Variants in TPD52L2 observed in about 807,000 individuals in gnomAD.
TPD52L2 encodes the protein TPD52 like 2.
A neutral mutation model predicts 24.7 loss-of-function variants in TPD52L2; 19 were observed. That is an observed-to-expected ratio of 0.77 (90% confidence interval 0.54 to 1.13). TPD52L2 has a LOEUF of 1.13. TPD52L2 is among the 50% of genes most tolerant of loss of function. The probability of loss-of-function intolerance (pLI) is 0.00; values close to 1 mark genes in which losing one functional copy is unlikely to be tolerated. For missense variants in TPD52L2, 236 were observed against 250.4 expected, an observed-to-expected ratio of 0.94 and a Z score of 0.39; for synonymous variants, 104 against 100.2, an observed-to-expected ratio of 1.04 and a Z score of -0.23.
intron 6 of TPD52L2, among the ~76,000 whole-genome samples, chr20:63,889,466 C>T (rs2053254069): frequency 1.3e-5 from 2 of 151,870 alleles, no homozygotes; most frequent in African/African-American, 4.8e-5. Context: ...CACAGAACGC[C>T]TCCACACTGC....
At chr20:63,867,618 A>G (rs2146171294) in intron 1 of TPD52L2, among the ~76,000 whole-genome samples, 1 of 152,162 alleles carries the variant, frequency 6.6e-6, no homozygotes, top group East Asian at 1.9e-4. Context: ...TTCGTTTAGT[A>G]AGCGTTTGTG....
intron 1 of TPD52L2, among the ~76,000 whole-genome samples, chr20:63,868,727 C>T (rs1052973858): frequency 1.3e-5 from 2 of 152,160 alleles, no homozygotes; most frequent in Non-Finnish European, 2.9e-5. Flanking sequence ...GCGGATCACC[C>T]GAGGTCGGGA....
rs2052712005 is a variant in TPD52L2, at chr20:63,877,024, G to T, written c.374+1149G>T. On this transcript the variant is annotated intron_variant, in intron 4 of 6. Coordinates refer to ENST00000346249, the MANE Select transcript of TPD52L2 (RefSeq NM_003288.4). This position sits in a 1 kb window ranked among gnomAD's most constrained non-coding sequence, Gnocchi z 4.1. The stretch of plus-strand genomic sequence containing the variant: ...TGGCATGTTGCCCTGGGTTTTTTTT[G>T]TTTGTTTGGTTTTTTTTTTGAGACA... 4.5e-6 allele frequency: 2 copies of T among 441,810 alleles called. No individual in the cohort carries two copies. The highest frequency in any genetic ancestry group is 3.2e-5 in the South Asian group (2 of 61,932). The allele number at this position is 441,810 out of a possible 1,614,324, so 27.4% of individuals were successfully genotyped here. A position where few individuals can be genotyped will look rare whatever the true frequency, so the allele number is the denominator to read the frequency against.
At chr20:63,868,486 G>T (rs1330396172) in intron 1 of TPD52L2, among the ~76,000 whole-genome samples, 1 of 152,232 alleles carries the variant, frequency 6.6e-6, no homozygotes, top group Admixed American at 6.5e-5. Context: ...GATGAGAATC[G>T]GGAGGTAAGT....
chr20:63,889,906 G>A lies in TPD52L2; in HGVS notation c.582G>A (p.Gly194=). The change falls in exon 7 of 7, where the codon GGG becomes GGA. Residue 194 remains glycine, a synonymous_variant. Coordinates refer to ENST00000346249, the MANE Select transcript of TPD52L2 (RefSeq NM_003288.4). ...NGSDNLPSSA[G]SGDKPLSDPA... is the part of the protein sequence containing the mutation. ...GTGACAACCTCCCTTCCTCAGCGGG[G>A]AGTGGTGACAAGCCCCTGTCGGATC... 1 of 1,614,212 alleles carries A rather than the reference G, an allele frequency of 6.2e-7. No homozygotes were observed. Among genetic ancestry groups the A allele is most frequent in the Non-Finnish European group, 8.5e-7 (1 of 1,180,040 alleles).
chr20:63,889,168 A>C, intron 5 of TPD52L2, 22 bp from the exon 6 acceptor site: 2 of 1,610,448 alleles, frequency 1.2e-6, no homozygotes, highest in Admixed American at 1.7e-5. Context: ...TGACACCGAC[A>C]CTCTTCCCTC....
intron 5 of TPD52L2, chr20:63,886,922 C>T (rs2053149187): frequency 1.3e-5 from 2 of 158,556 alleles, no homozygotes; most frequent in South Asian, 1.8e-4. Flanking sequence ...GGATTACAGG[C>T]GTGAGCCACT....
chr20:63,874,228 TTGTGTGTGTG>T (rs547406712), intron 3 of TPD52L2, among the ~76,000 whole-genome samples: 10 of 140,012 alleles, frequency 7.1e-5, no homozygotes, highest in East Asian at 4.3e-4. Flanking sequence ...ATTTTTTTTT[TTGTGTGTGTG>T]TGTGTGTGTG....
intron 1 of TPD52L2, 29 bp downstream of exon 1, chr20:63,865,413 C>A: frequency 6.5e-7 from 1 of 1,526,788 alleles, no homozygotes; most frequent in East Asian, 2.5e-5. Flanking sequence ...CCCTTCGCCG[C>A]AGATGGGCCC....
intron 5 of TPD52L2, chr20:63,887,317 C>T (rs2053167276): frequency 1.1e-5 from 7 of 619,266 alleles, no homozygotes; most frequent in South Asian, 1.8e-5. Flanking sequence ...TCACAGCTTC[C>T]TATGGCAGTG....
intron 1 of TPD52L2, among the ~76,000 whole-genome samples, chr20:63,867,621 C>T (rs962284710): frequency 6.6e-6 from 1 of 151,616 alleles, no homozygotes; most frequent in African/African-American, 2.4e-5. Context: ...GTTTAGTAAG[C>T]GTTTGTGGAG....
chr20:63,870,533 T>TG (rs1221290495), intron 2 of TPD52L2, among the ~76,000 whole-genome samples: 1 of 139,706 alleles, frequency 7.2e-6, no homozygotes, highest in South Asian at 2.4e-4. Context: ...TTTTTTTTTT[T>TG]TTTTTTTTTT....
chr20:63,887,468 A>T, intron 5 of TPD52L2: 1 of 1,330,660 alleles, frequency 7.5e-7, no homozygotes. Context: ...GAGTGGGGGA[A>T]TCCCAGCTCT....
intron 5 of TPD52L2, among the ~76,000 whole-genome samples, chr20:63,886,563 G>GTTGGCCAGCA (rs1555875339): frequency 1.3e-5 from 2 of 151,564 alleles, no homozygotes; most frequent in Admixed American, 6.6e-5. Flanking sequence ...GGGTTTCACC[G>GTTGGCCAGCA]TGGTCTCGAT....
chr20:63,885,326 G>A (rs1280169179), intron 5 of TPD52L2, among the ~76,000 whole-genome samples: 1 of 152,212 alleles, frequency 6.6e-6, no homozygotes, highest in Non-Finnish European at 1.5e-5. Flanking sequence ...GTCTGACTCC[G>A]TGGTCTCAGA....
At chr20:63,886,506 C>T (rs748950006) in intron 5 of TPD52L2, among the ~76,000 whole-genome samples, 15 of 151,930 alleles carry the variant, frequency 9.9e-5, no homozygotes, top group South Asian at 4.2e-4. Context: ...GGACTACAGG[C>T]GCCCGCCGCC....
chr20:63,873,068 G>A (rs957527018), intron 2 of TPD52L2, among the ~76,000 whole-genome samples: 1 of 151,726 alleles, frequency 6.6e-6, no homozygotes, highest in Non-Finnish European at 1.5e-5. Flanking sequence ...GGACAAACCT[G>A]GCATGGTCAT....
intron 5 of TPD52L2, chr20:63,887,958 T>C: frequency 2.7e-6 from 1 of 377,160 alleles, no homozygotes; most frequent in South Asian, 2.8e-5. Context: ...CTCAGGACAC[T>C]TCACGGTCTC....
rs1600798915 is a variant in TPD52L2 at position 63,873,817 on chromosome 20, G to A, written c.314+1G>A. On this transcript the variant is annotated splice_donor_variant, in intron 3 of 6. Coordinates refer to ENST00000346249, the MANE Select transcript of TPD52L2 (RefSeq NM_003288.4). LOFTEE classifies it high-confidence loss of function. Reference sequence around the variant, plus strand: ...GGCATGACGTGCAGGTCTCTAGCGCGTAGGTACCTGCCCCAGGCGCACCCC... The same window carrying A: ...GGCATGACGTGCAGGTCTCTAGCGCATAGGTACCTGCCCCAGGCGCACCCC... 12 of 1,532,944 alleles carry A rather than the reference G, an allele frequency of 7.8e-6. No homozygotes were observed. Among genetic ancestry groups the A allele is most frequent in the South Asian group, 2.5e-5 (2 of 79,562 alleles). The allele number at this position is 1,532,944 out of a possible 1,614,324, so 95.0% of individuals were successfully genotyped here.
Sources: gnomAD v4.1 joint callset for allele counts (sites outside exome capture counted in the v4.1 genomes callset) on GRCh38, gnomAD v4.1.1 for gene constraint, Gnocchi (gnomAD v3.1) non-coding constraint, MANE v1.5 for transcripts, NCBI Gene and HGNC (gene_info 2026-07-23, HGNC 2026-07-21) for gene names.